The following ARSJ variants were observed in gnomAD, a reference collection of about 807,000 sequenced individuals.
ARSJ encodes the protein arylsulfatase family member J.
ARSJ carries 26 observed loss-of-function variants against 35.9 expected under a neutral mutation model. The observed-to-expected ratio is 0.72, with a 90% confidence interval of 0.53 to 1.00. The LOEUF (loss-of-function observed/expected upper bound fraction) is 1.00, where lower values mean the gene tolerates loss of function less well. Among genes scored for constraint, ARSJ ranks in the 50% least tolerant of loss-of-function variants. The pLI is 0.00. For synonymous variants in ARSJ, 294 were observed against 267.6 expected, an observed-to-expected ratio of 1.10 and a Z score of -0.96; for missense variants, 667 against 723.6, an observed-to-expected ratio of 0.92 and a Z score of 0.90.
intron 1 of ARSJ, among the ~76,000 whole-genome samples, chr4:113,904,647 G>A (rs913321864): frequency 2.6e-5 from 4 of 152,110 alleles, no homozygotes; most frequent in Non-Finnish European, 5.9e-5. Flanking sequence ...ACCACGCCCA[G>A]ATAATTTTTT....
At chr4:113,904,969 C>G (rs2099668284) in intron 1 of ARSJ, among the ~76,000 whole-genome samples, 1 of 152,184 alleles carries the variant, frequency 6.6e-6, no homozygotes, top group Non-Finnish European at 1.5e-5. Flanking sequence ...TTTTAAAAAA[C>G]TATAATCACT....
intron 1 of ARSJ, among the ~76,000 whole-genome samples, chr4:113,953,752 G>A (rs1726002637): frequency 6.6e-6 from 1 of 151,996 alleles, no homozygotes; most frequent in South Asian, 2.1e-4. Context: ...ACAGGTAAAT[G>A]AATTCAGGGA....
intron 1 of ARSJ, among the ~76,000 whole-genome samples, chr4:113,913,957 CCT>C (rs977709134): frequency 3.3e-5 from 5 of 151,766 alleles, no homozygotes; most frequent in Non-Finnish European, 7.4e-5. Flanking sequence ...AATTTAAAAT[CCT>C]TTCATTTTTA....
At chr4:113,943,759 A>C (rs1249664036) in intron 1 of ARSJ, among the ~76,000 whole-genome samples, 2 of 152,012 alleles carry the variant, frequency 1.3e-5, no homozygotes, top group Non-Finnish European at 2.9e-5. Flanking sequence ...TATGGGAAAA[A>C]TCATTCAAAC....
intron 1 of ARSJ, among the ~76,000 whole-genome samples, chr4:113,922,551 A>G (rs1195983489): frequency 6.6e-6 from 1 of 152,166 alleles, no homozygotes; most frequent in Non-Finnish European, 1.5e-5. Flanking sequence ...AATCACTGTT[A>G]TATTTTCACT....
chr4:113,902,928 G>GTCCTTCA lies in ARSJ; in HGVS notation c.1145_1146insTGAAGGA (p.Thr383GlufsTer9). The GTCCTTCA allele has an allele frequency of 6.2e-7, 1 of 1,614,154 alleles. No homozygotes were observed. The highest frequency in any genetic ancestry group is 8.5e-7 in the Non-Finnish European group (1 of 1,180,018). On this transcript the variant is annotated frameshift_variant, in exon 2 of 2. Coordinates refer to ENST00000315366, the MANE Select transcript of ARSJ (RefSeq NM_024590.4). LOFTEE classifies it high-confidence loss of function. ...GTCCTTCAGCCAGTGAAATGAGAGT[G>GTCCTTCA]GGGTACCAGTCAGTGATGTGCACAA... is the stretch of plus-strand genomic sequence containing the variant.
At chr4:113,935,117 A>G (rs979933148) in intron 1 of ARSJ, among the ~76,000 whole-genome samples, 1 of 151,920 alleles carries the variant, frequency 6.6e-6, no homozygotes, top group Non-Finnish European at 1.5e-5. Context: ...TAAAACTTTA[A>G]AATGTATTTT....
At chr4:113,948,577 A>ATT (rs11381039) in intron 1 of ARSJ, among the ~76,000 whole-genome samples, 2 of 151,878 alleles carry the variant, frequency 1.3e-5, no homozygotes, top group Admixed American at 6.6e-5. Context: ...ATATTCTAGA[A>ATT]TTTTTTTTCC....
chr4:113,929,088 C>T (rs1395261891), intron 1 of ARSJ, among the ~76,000 whole-genome samples: 1 of 152,098 alleles, frequency 6.6e-6, no homozygotes, highest in Admixed American at 6.6e-5. Flanking sequence ...AGAAATTTAG[C>T]CTGATCCAAC....
At chr4:113,931,319 T>C (rs527886600) in intron 1 of ARSJ, among the ~76,000 whole-genome samples, 29 of 152,222 alleles carry the variant, frequency 1.9e-4, no homozygotes, top group African/African-American at 6.7e-4. Context: ...TTAACAACTT[T>C]ACTCTCCTCT....
intron 1 of ARSJ, among the ~76,000 whole-genome samples, chr4:113,904,608 C>T (rs2099668177): frequency 6.6e-6 from 1 of 152,196 alleles, no homozygotes; most frequent in Non-Finnish European, 1.5e-5. Context: ...CCTCACCCTC[C>T]GGAGTAGCTG....
intron 1 of ARSJ, among the ~76,000 whole-genome samples, chr4:113,944,704 T>C (rs556341608): frequency 1.3e-5 from 2 of 152,096 alleles, no homozygotes; most frequent in South Asian, 2.1e-4. Context: ...AGAAGTTAAG[T>C]GGTAGAAGAA....
At chr4:113,939,634 T>G (rs1418879727) in intron 1 of ARSJ, among the ~76,000 whole-genome samples, 6 of 152,196 alleles carry the variant, frequency 3.9e-5, no homozygotes, top group African/African-American at 1.4e-4. Context: ...CTCATTGTGG[T>G]TTTGATTTGC....
chr4:113,979,354 A>C lies in ARSJ; in HGVS notation c.-520T>G, dbSNP rs1727795179. 2 of 154,008 alleles carry C rather than the reference A, an allele frequency of 1.3e-5. No homozygotes were observed. The highest frequency in any genetic ancestry group is 2.9e-5 in the Non-Finnish European group (2 of 69,362). 9.5% of individuals were successfully genotyped at this position (154,008 alleles called of 1,614,324 possible). A position where few individuals can be genotyped will look rare whatever the true frequency, so the allele number is the denominator to read the frequency against. ...CGCGTCTGGCTCTGATCAGACAGAT[A>C]AACTGCCGTAGTGGACCGGCCTCCT... On this transcript the variant is annotated 5_prime_UTR_variant, in exon 1 of 2. Transcript: ENST00000315366.
rs1378782248 is a variant in ARSJ at position 113,902,450 on chromosome 4, T to C, written c.1624A>G (p.Ser542Gly). ...PVRYPPKDPR[S>G]NPRLNGGVWG... The stretch of plus-strand genomic sequence containing the variant: ...ACCCCTCCATTGAGCCTAGGGTTAC[T>C]TCTGGGGTCTTTGGGGGGATACCTG... The change falls in exon 2 of 2, where the codon AGT becomes GGT. Residue 542 changes from serine to glycine, a missense_variant. By Grantham distance (56) the Ser-to-Gly change is moderately conservative (BLOSUM62 0). Coordinates refer to ENST00000315366, the MANE Select transcript of ARSJ (RefSeq NM_024590.4). The C allele has an allele frequency of 1.9e-6, 3 of 1,614,032 alleles. No homozygotes were observed. The highest frequency in any genetic ancestry group is 2.5e-6 in the Non-Finnish European group (3 of 1,180,028).
chr4:113,902,227 A>C lies in ARSJ; in HGVS notation c.*47T>G. 6 of 1,601,280 alleles carry C rather than the reference A, an allele frequency of 3.7e-6. No individual in the cohort carries two copies. The highest frequency in any genetic ancestry group is 5.1e-6 in the Non-Finnish European group (6 of 1,179,966). On this transcript the variant is annotated 3_prime_UTR_variant, in exon 2 of 2. Coordinates refer to ENST00000315366, the MANE Select transcript of ARSJ (RefSeq NM_024590.4). Reference sequence around the variant, plus strand: ...TGCTGGTTTACCTAGGAAACAGATGAAAGATAAGAACTGATTAAAGTTTAA... The same window carrying C: ...TGCTGGTTTACCTAGGAAACAGATGCAAGATAAGAACTGATTAAAGTTTAA...
intron 1 of ARSJ, among the ~76,000 whole-genome samples, chr4:113,959,112 T>C (rs914721670): frequency 4.6e-5 from 7 of 152,090 alleles, no homozygotes; most frequent in African/African-American, 1.7e-4. Flanking sequence ...TAGAGCTGTC[T>C]GAAGAGAACA....
chr4:113,907,415 GCTGC>G (rs1222018411), intron 1 of ARSJ, among the ~76,000 whole-genome samples: 1 of 152,090 alleles, frequency 6.6e-6, no homozygotes, highest in Non-Finnish European at 1.5e-5. Context: ...ATTTGAAAGG[GCTGC>G]CTATTATTCT....
intron 1 of ARSJ, among the ~76,000 whole-genome samples, chr4:113,905,633 T>A (rs1266817976): frequency 2.0e-5 from 3 of 150,242 alleles, no homozygotes; most frequent in Non-Finnish European, 4.4e-5. Flanking sequence ...GTACCAAGTT[T>A]AGAAGGCATT....
Sources: gnomAD v4.1 joint callset for allele counts (sites outside exome capture counted in the v4.1 genomes callset) on GRCh38, gnomAD v4.1.1 for gene constraint, MANE v1.5 for transcripts, NCBI Gene and HGNC (gene_info 2026-07-23, HGNC 2026-07-21) for gene names.